The following RP1 variants were observed in gnomAD, a reference collection of about 807,000 sequenced individuals.
RP1 encodes the protein RP1 axonemal microtubule associated.
In RP1, 16 loss-of-function variants were observed where a neutral mutation model predicts 14.8. The observed-to-expected ratio is 1.08, with a 90% CI of 0.73 to 1.65. The LOEUF is 1.65. Among genes scored for constraint, RP1 ranks in the 40% most tolerant of loss-of-function variants. The pLI, the probability that RP1 is intolerant of heterozygous loss-of-function variation, is 0.00. For synonymous variants in RP1, 876 were observed against 883.6 expected (o/e 0.99, Z 0.15); for missense variants, 2,631 against 2,535.0 (o/e 1.04, Z -0.81).
exon 4 of RP1, chr8:54,649,131 C>A: frequency 6.7e-7 from 1 of 1,498,034 alleles, no homozygotes; most frequent in Non-Finnish European, 8.8e-7. Context: ...TCAGGTTGGC[C>A]ATGAAGACAT....
downstream of RP1, among the ~76,000 whole-genome samples, chr8:54,632,572 G>A (rs1420556989): frequency 6.6e-6 from 1 of 152,176 alleles, no homozygotes; most frequent in African/African-American, 2.4e-5. Context: ...TGCATTTGAA[G>A]GCATTTAATT....
At chr8:54,662,665 C>A (rs1005430182) in intron 6 of RP1, among the ~76,000 whole-genome samples, 3 of 152,118 alleles carry the variant, frequency 2.0e-5, no homozygotes, top group African/African-American at 7.2e-5. Flanking sequence ...TACCGAGCCC[C>A]CATATCTGAG....
chr8:54,818,201 C>A (rs532211421), intron 24 of RP1, among the ~76,000 whole-genome samples: 2 of 152,244 alleles, frequency 1.3e-5, no homozygotes, highest in Non-Finnish European at 2.9e-5. Flanking sequence ...ACCAAATGTT[C>A]ACTGAAGTCC....
At chr8:54,610,027 C>T (rs534425021) in intron 1 of RP1, among the ~76,000 whole-genome samples, 4 of 152,310 alleles carry the variant, frequency 2.6e-5, no homozygotes, top group East Asian at 1.9e-4. Flanking sequence ...TTTATCTCCA[C>T]GTGCTGACTC....
chr8:54,651,509 T>TAG (rs1806654866), intron 4 of RP1, among the ~76,000 whole-genome samples: 2 of 152,164 alleles, frequency 1.3e-5, no homozygotes, highest in Non-Finnish European at 2.9e-5. Flanking sequence ...TGTGTTTCTA[T>TAG]AGATTTGTCC....
intron 9 of RP1, chr8:54,678,560 G>C: frequency 6.6e-7 from 1 of 1,517,746 alleles, no homozygotes; most frequent in Non-Finnish European, 8.8e-7. Flanking sequence ...CTTTTACATC[G>C]AAAAAATCCA....
intron 24 of RP1, among the ~76,000 whole-genome samples, chr8:54,809,126 C>T (rs1810928749): frequency 6.6e-6 from 1 of 152,164 alleles, no homozygotes; most frequent in Non-Finnish European, 1.5e-5. Flanking sequence ...ATACTCTGGG[C>T]AATAACTTTT....
chr8:54,621,115 G>A lies in RP1; in HGVS notation c.149G>A (p.Gly50Glu). ...AAGAGCGGAGACCCCCAATTCGGCGGGGTCAGGGTGGTGGTCAACCCTCGC... is the reference window on the plus strand; with the variant it reads ...AAGAGCGGAGACCCCCAATTCGGCGAGGTCAGGGTGGTGGTCAACCCTCGC... ...FYKSGDPQFGGVRVVVNPRSF... is the reference protein window; with the variant it reads ...FYKSGDPQFGEVRVVVNPRSF... Residue 50 changes from glycine (G) to glutamate (E), a missense_variant, in exon 2 of 4, where the codon GGG (glycine) becomes GAG (glutamate). Transcript: ENST00000220676. 1 of 1,614,148 alleles carries A rather than the reference G, an allele frequency of 6.2e-7. No individual in the cohort carries two copies. The highest frequency in any genetic ancestry group is 8.5e-7 in the Non-Finnish European group (1 of 1,180,014).
chr8:54,870,901 G>A (rs898800141), exon 29 of RP1: 1 of 152,032 alleles, frequency 6.6e-6, no homozygotes, highest in South Asian at 2.1e-4. Context: ...TGTGACCCTA[G>A]AAGTCTGACT....
chr8:54,565,660 T>TA (rs1804388249), intron 1 of RP1, among the ~76,000 whole-genome samples: 2 of 151,916 alleles, frequency 1.3e-5, no homozygotes, highest in Non-Finnish European at 2.9e-5. Flanking sequence ...GTGGTTAGGG[T>TA]ATGTGAGAAA....
chr8:54,752,113 G>C (rs974854045), intron 19 of RP1, among the ~76,000 whole-genome samples: 1 of 152,150 alleles, frequency 6.6e-6, no homozygotes, highest in African/African-American at 2.4e-5. Flanking sequence ...GTGACTTCAA[G>C]CAATACTTGG....
At chr8:54,739,260 T>G (rs1809009299) in intron 19 of RP1, among the ~76,000 whole-genome samples, 1 of 152,136 alleles carries the variant, frequency 6.6e-6, no homozygotes, top group Non-Finnish European at 1.5e-5. Flanking sequence ...TGACTTAAGA[T>G]TTTTCGACTT....
chr8:54,772,524 T>G (rs1809933944), downstream of RP1, among the ~76,000 whole-genome samples: 1 of 152,174 alleles, frequency 6.6e-6, no homozygotes, highest in Non-Finnish European at 1.5e-5. Flanking sequence ...ATGGTAACAT[T>G]AATAGTGAAT....
intron 1 of RP1, among the ~76,000 whole-genome samples, chr8:54,579,179 G>A (rs1447870237): frequency 6.6e-6 from 1 of 152,112 alleles, no homozygotes; most frequent in Admixed American, 6.6e-5. Context: ...CAGACATCAG[G>A]GGCCTGAAGT....
chr8:54,564,521 C>T (rs1804357588), intron 1 of RP1, among the ~76,000 whole-genome samples: 1 of 152,170 alleles, frequency 6.6e-6, no homozygotes, highest in African/African-American at 2.4e-5. Context: ...CTCATGGCAC[C>T]TTCATGATGT....
At position 54,625,550 on chromosome 8, in the gene RP1, G is replaced by A; in HGVS notation, c.1668G>A (p.Lys556=). 3 of 1,614,062 alleles carry A rather than the reference G, an allele frequency of 1.9e-6. No individual in the cohort carries two copies. The South Asian group carries it at 3.3e-5, about 18-fold the overall frequency. The change falls in exon 4 of 4, where the codon AAG becomes AAA. Residue 556 remains lysine, a synonymous_variant. Transcript: ENST00000220676. Reference sequence around the variant, plus strand: ...GTGTTATAGAAATTACAAGTCAGAAGATGTTAGAGATGTCACATAATAATG... The same window carrying A: ...GTGTTATAGAAATTACAAGTCAGAAAATGTTAGAGATGTCACATAATAATG... ...SAGVIEITSQ[K]MLEMSHNNGL... is the part of the protein sequence containing the mutation.
chr8:54,631,274 G>A (rs1254523213), downstream of RP1, among the ~76,000 whole-genome samples: 3 of 152,150 alleles, frequency 2.0e-5, no homozygotes, highest in African/African-American at 7.2e-5. Flanking sequence ...TCTATGTAGA[G>A]TATGCTTTTT....
intron 25 of RP1, among the ~76,000 whole-genome samples, chr8:54,842,219 A>G (rs1811804476): frequency 6.6e-6 from 1 of 152,250 alleles, no homozygotes; most frequent in Admixed American, 6.5e-5. Flanking sequence ...TAGCTCAGAT[A>G]CACAGCATCT....
intron 16 of RP1, among the ~76,000 whole-genome samples, chr8:54,725,160 T>C (rs532450552): frequency 6.6e-6 from 1 of 152,322 alleles, no homozygotes; most frequent in Non-Finnish European, 1.5e-5. Flanking sequence ...GTTTATCTCT[T>C]TGTAGATCCT....
Sources: gnomAD v4.1 joint callset for allele counts (sites outside exome capture counted in the v4.1 genomes callset) on GRCh38, gnomAD v4.1.1 for gene constraint, MANE v1.5 for transcripts, NCBI Gene and HGNC (gene_info 2026-07-23, HGNC 2026-07-21) for gene names.